CCDC51: variants seen among roughly 807,000 people sequenced by gnomAD.
The protein encoded by CCDC51 is coiled-coil domain containing 51.
Under a neutral mutation model 24.8 loss-of-function variants are expected in CCDC51, and 25 were observed. The observed-to-expected ratio is 1.01, with a 90% confidence interval of 0.73 to 1.41. The LOEUF (loss-of-function observed/expected upper bound fraction) is 1.41, where lower values mean the gene tolerates loss of function less well. Among genes scored for constraint, CCDC51 ranks in the 40% most tolerant of loss-of-function variants. The pLI is 0.00. For synonymous variants in CCDC51, 190 were observed against 204.3 expected (o/e 0.93, Z 0.60); for missense variants, 466 against 519.1 (o/e 0.90, Z 0.99).
chr3:48,442,523 C>G (rs901384619), upstream of CCDC51, among the ~76,000 whole-genome samples: 2 of 150,094 alleles, frequency 1.3e-5, no homozygotes, highest in Non-Finnish European at 2.9e-5. Context: ...ATGATCTCAG[C>G]TCACTGCAGC....
chr3:48,441,246 A>G (rs2107164231), upstream of CCDC51, among the ~76,000 whole-genome samples: 1 of 151,856 alleles, frequency 6.6e-6, no homozygotes, highest in East Asian at 1.9e-4. Flanking sequence ...GGGTTTCACC[A>G]TCTTAGCCAG....
intron 1 of CCDC51, among the ~76,000 whole-genome samples, chr3:48,438,779 C>A (rs936334199): frequency 6.6e-6 from 1 of 152,196 alleles, no homozygotes; most frequent in Non-Finnish European, 1.5e-5. Context: ...CCTTTCCAAA[C>A]ACAGGTGGAA....
Position 48,432,745 on chromosome 3 carries a change from G to A in CCDC51, c.899C>T (p.Ser300Leu), listed in dbSNP as rs201340866. 8 of 1,614,064 alleles carry A rather than the reference G, an allele frequency of 5.0e-6. No individual in the cohort carries two copies. Among genetic ancestry groups the A allele is most frequent in the African/African-American group, 2.7e-5 (2 of 74,942 alleles). The change falls in exon 4 of 4, where the codon TCA (serine) becomes TTA (leucine). Residue 300 changes from serine (S) to leucine (L), a missense_variant. By Grantham distance (145) the Ser-to-Leu change is moderately radical. Coordinates refer to ENST00000395694, the MANE Select transcript of CCDC51 (RefSeq NM_001256964.2). ...PTRDRDVDVL[S>L]AALKEQLSHS... ...ACTAAGCTGCTCTTTCAAGGCAGCTGAAAGGACATCTACATCTCTGTCTCT... is the reference window on the plus strand; with the variant it reads ...ACTAAGCTGCTCTTTCAAGGCAGCTAAAAGGACATCTACATCTCTGTCTCT...
chr3:48,443,744 G>T, upstream of CCDC51: 1 of 807,122 alleles, frequency 1.2e-6, no homozygotes, highest in Non-Finnish European at 1.9e-6. Context: ...TAAAGTGAAT[G>T]CCCAATACAA....
At position 48,433,935 on chromosome 3, in the gene CCDC51, T is replaced by G; in HGVS notation, c.313-64A>C. 1 of 1,564,552 alleles carries G rather than the reference T, an allele frequency of 6.4e-7. No homozygotes were observed. ...CCACACCCACACAGGCTCAGCTGCA[T>G]TCCCAGCAAGGCATTCCCAGAAGAG... On this transcript the variant is annotated intron_variant, in intron 2 of 3. Transcript: ENST00000395694. This position sits in a 1 kb window ranked among gnomAD's most constrained non-coding sequence, Gnocchi z 4.4.
At chr3:48,439,652 G>A (rs990216528) in intron 1 of CCDC51, among the ~76,000 whole-genome samples, 2 of 152,124 alleles carry the variant, frequency 1.3e-5, no homozygotes, top group South Asian at 4.2e-4. Context: ...AGAAAAAAAA[G>A]CTTTATTGAT....
chr3:48,438,884 G>C (rs2039455772), intron 1 of CCDC51, among the ~76,000 whole-genome samples: 1 of 152,118 alleles, frequency 6.6e-6, no homozygotes, highest in Non-Finnish European at 1.5e-5. Context: ...CTACCCACTG[G>C]CTCTCATTCC....
upstream of CCDC51, among the ~76,000 whole-genome samples, chr3:48,443,327 C>A (rs554525040): frequency 6.6e-6 from 1 of 150,872 alleles, no homozygotes; most frequent in South Asian, 2.1e-4. Flanking sequence ...GCAGGCAGAT[C>A]ACCTGAGGTC....
At chr3:48,440,879 A>C (rs1210248604), upstream of CCDC51, 1 of 573,942 alleles carries the variant, frequency 1.7e-6, no homozygotes, top group African/African-American at 1.9e-5. Flanking sequence ...AAACGGAAAC[A>C]GTGAAATGTA....
rs1160491919 is a variant in CCDC51 at position 48,433,916 on chromosome 3, C to T, written c.313-45G>A. The T allele has an allele frequency of 1.3e-6, 2 of 1,591,072 alleles. No individual in the cohort carries two copies. Among genetic ancestry groups the T allele is most frequent in the Non-Finnish European group, 1.7e-6 (2 of 1,167,408 alleles). On this transcript the variant is annotated intron_variant, in intron 2 of 3. Coordinates refer to ENST00000395694, the MANE Select transcript of CCDC51 (RefSeq NM_001256964.2). The surrounding 1 kb of genome is among the most constrained non-coding windows in gnomAD (Gnocchi z 4.4). ...GGCCATCTGCACCTTCTCTCCACACCCACACAGGCTCAGCTGCATTCCCAG... is the reference window on the plus strand; with the variant it reads ...GGCCATCTGCACCTTCTCTCCACACTCACACAGGCTCAGCTGCATTCCCAG...
chr3:48,435,243 C>A lies in CCDC51; in HGVS notation c.-8-107G>T. 1 of 911,662 alleles carries A rather than the reference C, an allele frequency of 1.1e-6. No homozygotes were observed. Among genetic ancestry groups the A allele is most frequent in the Non-Finnish European group, 1.6e-6 (1 of 623,158 alleles). The allele number at this position is 911,662 out of a possible 1,614,324, so 56.5% of individuals were successfully genotyped here. A position where few individuals can be genotyped will look rare whatever the true frequency, so the allele number is the denominator to read the frequency against. ...TGAACAGACTAATCCCCACTCAAATCATCTAAACTGAGCACCACCCTGTTG... is the reference window on the plus strand; with the variant it reads ...TGAACAGACTAATCCCCACTCAAATAATCTAAACTGAGCACCACCCTGTTG... On this transcript the variant is annotated intron_variant, in intron 1 of 3. Coordinates refer to ENST00000395694, the MANE Select transcript of CCDC51 (RefSeq NM_001256964.2). This position sits in a 1 kb window ranked among gnomAD's most constrained non-coding sequence, Gnocchi z 4.2.
the CCDC51 span, among the ~76,000 whole-genome samples, chr3:48,445,679 A>C: frequency 6.6e-6 from 1 of 152,190 alleles, no homozygotes; most frequent in Non-Finnish European, 1.5e-5. Context: ...AAAAATTTTA[A>C]ACTCCTTAGA....
upstream of CCDC51, chr3:48,443,801 C>T (rs537336702): frequency 1.3e-5 from 19 of 1,506,788 alleles, no homozygotes; most frequent in Admixed American, 7.5e-5. Flanking sequence ...GGGCTTCTAC[C>T]GTAAGAACTA....
At chr3:48,440,311 A>T (rs763391359), upstream of CCDC51, 10 of 1,608,632 alleles carry the variant, frequency 6.2e-6, no homozygotes, top group Non-Finnish European at 8.5e-6. Context: ...CCGGCCGCGA[A>T]GGTAAGTGTT....
In CCDC51 at chr3:48,436,234, G is replaced by A. The variant is rs867747475; in HGVS notation, c.-8-1098C>T. Reference sequence around the variant, plus strand: ...CACGCCACAGAGAGAAAAGCAGAGGGAGCTGCAGACAGGAAGGAACTGAAG... The same window carrying A: ...CACGCCACAGAGAGAAAAGCAGAGGAAGCTGCAGACAGGAAGGAACTGAAG... On this transcript the variant is annotated intron_variant, in intron 1 of 3. Transcript: ENST00000395694. Among the ~76,000 whole-genome samples the A allele has an allele frequency of 6.6e-5, 10 of 152,290 alleles. 1 individual carries two copies. In the Middle Eastern group the frequency reaches 0.01, roughly 155 times the overall value.
chr3:48,434,443 C>T (rs921071503), intron 2 of CCDC51, among the ~76,000 whole-genome samples: 1 of 152,214 alleles, frequency 6.6e-6, no homozygotes, highest in African/African-American at 2.4e-5. Context: ...GCTCTTTCCA[C>T]CTCACACTGT....
Position 48,432,823 on chromosome 3 carries a change from T to C in CCDC51, c.821A>G (p.His274Arg). The change falls in exon 4 of 4, where the codon CAT (histidine) becomes CGT (arginine). Residue 274 changes from histidine to arginine, a missense_variant. His to Arg is a conservative substitution (Grantham distance 29, BLOSUM62 0). Coordinates refer to ENST00000395694, the MANE Select transcript of CCDC51 (RefSeq NM_001256964.2). Reference sequence around the variant, plus strand: ...AGAGTCCTGCCCTGGCCCAGCAGCATGTACCAGGCCCCTCAGGTCCACCAT... The same window carrying C: ...AGAGTCCTGCCCTGGCCCAGCAGCACGTACCAGGCCCCTCAGGTCCACCAT... Reference protein sequence around the residue: ...NLMVDLRGLVHAAGPGQDSGS... With the variant: ...NLMVDLRGLVRAAGPGQDSGS... The C allele has an allele frequency of 6.2e-7, 1 of 1,614,168 alleles. No individual in the cohort carries two copies. Among genetic ancestry groups the C allele is most frequent in the Non-Finnish European group, 8.5e-7 (1 of 1,180,022 alleles).
chr3:48,432,407 G>A lies in CCDC51; in HGVS notation c.*1C>T, dbSNP rs372760572. The A allele has an allele frequency of 6.2e-7, 1 of 1,613,816 alleles. No individual in the cohort carries two copies. Among genetic ancestry groups the A allele is most frequent in the African/African-American group, 1.3e-5 (1 of 74,928 alleles). ...AGACCCTCTGGAGGAGGGGCCAGGG[G>A]TTAGCTGGCTTTGAATAGCATGTAG... is the stretch of plus-strand genomic sequence containing the variant. On this transcript the variant is annotated 3_prime_UTR_variant, in exon 4 of 4. Transcript: ENST00000395694.
chr3:48,433,247 A>G lies in CCDC51; in HGVS notation c.478-81T>C. The G allele has an allele frequency of 7.5e-7, 1 of 1,334,402 alleles. No individual in the cohort carries two copies. Among genetic ancestry groups the G allele is most frequent in the Non-Finnish European group, 1.0e-6 (1 of 958,800 alleles). 82.7% of individuals were successfully genotyped at this position (1,334,402 alleles called of 1,614,324 possible). ...TATAGCCACCAGCAGATGGCTCACT[A>G]CCTTGTGCCTGGCAGAGTACATGTT... On this transcript the variant is annotated intron_variant, in intron 3 of 3. Coordinates refer to ENST00000395694, the MANE Select transcript of CCDC51 (RefSeq NM_001256964.2). This position sits in a 1 kb window ranked among gnomAD's most constrained non-coding sequence, Gnocchi z 4.4.
Sources: allele counts gnomAD v4.1 joint callset (sites outside exome capture counted in the v4.1 genomes callset), GRCh38; gene constraint gnomAD v4.1.1; non-coding constraint Gnocchi (gnomAD v3.1); transcripts MANE v1.5; gene names NCBI Gene and HGNC (gene_info 2026-07-23, HGNC 2026-07-21).